Variants in PRRX1 observed in about 807,000 individuals in gnomAD.
The protein encoded by PRRX1 is paired mesoderm homeobox protein 1.
A neutral mutation model predicts 24.0 loss-of-function variants in PRRX1; 8 were observed. That is an observed-to-expected ratio of 0.33 (90% CI 0.20 to 0.60). The LOEUF (loss-of-function observed/expected upper bound fraction) is 0.60, where lower values mean the gene tolerates loss of function less well. PRRX1 is among the 20% of genes least tolerant of loss of function. The pLI, the probability that PRRX1 is intolerant of heterozygous loss-of-function variation, is 0.82. For missense variants in PRRX1, 281 were observed against 322.4 expected, an observed-to-expected ratio of 0.87 and a Z score of 0.98; for synonymous variants, 160 against 131.7, an observed-to-expected ratio of 1.22 and a Z score of -1.47.
rs1022296727 is a variant in PRRX1 at position 170,738,400 on chromosome 1, A to T, written c.*2214A>T. Reference sequence around the variant, plus strand: ...TCATCTTATACATTTTGCTTTCACCAATTGATTCCTTCTTCTTTTAGCCCA... The same window carrying T: ...TCATCTTATACATTTTGCTTTCACCTATTGATTCCTTCTTCTTTTAGCCCA... On this transcript the variant is annotated 3_prime_UTR_variant, in exon 4 of 4. Transcript: ENST00000239461. 6 of 226,692 alleles carry T rather than the reference A, an allele frequency of 2.6e-5. No homozygotes were observed. The highest frequency in any genetic ancestry group is 5.3e-5 in the Non-Finnish European group (6 of 113,994). 14.0% of individuals were successfully genotyped at this position (226,692 alleles called of 1,614,324 possible).
intron 3 of PRRX1, chr1:170,727,822 C>A (rs1655305422): frequency 6.6e-6 from 1 of 152,136 alleles, no homozygotes. Context: ...TTAGTTATAT[C>A]TGTGTGCCCT....
chr1:170,703,625 C>T (rs941383448), intron 1 of PRRX1, among the ~76,000 whole-genome samples: 2 of 151,330 alleles, frequency 1.3e-5, no homozygotes, highest in African/African-American at 2.4e-5. Context: ...TTACTTGAAC[C>T]TCACAACAAC....
chr1:170,720,254 G>C (rs1655040883), intron 2 of PRRX1, among the ~76,000 whole-genome samples: 1 of 151,964 alleles, frequency 6.6e-6, no homozygotes, highest in Admixed American at 6.6e-5. Context: ...CCCCAGCCTG[G>C]GTGACAGAGT....
intron 1 of PRRX1, among the ~76,000 whole-genome samples, chr1:170,692,741 T>A (rs61817381): frequency 0.096 from 13,432 of 139,246 alleles, 708 homozygotes; most frequent in Middle Eastern, 0.15. Flanking sequence ...TCTCTCTCTC[T>A]CACACACACA....
rs553564222 is a variant in PRRX1, at chr1:170,697,451, A to G, written c.242-22275A>G. Among the ~76,000 whole-genome samples, 4 of 152,132 alleles carry G rather than the reference A, an allele frequency of 2.6e-5. No individual in the cohort carries two copies. In the East Asian group the frequency reaches 7.7e-4, roughly 29 times the overall value. ...ATAATAATACATGTAAGACAAGCTT[A>G]TCTTAAAGAATTAGAGAACTATATA... is the stretch of plus-strand genomic sequence containing the variant. On this transcript the variant is annotated intron_variant, in intron 1 of 3. Coordinates refer to ENST00000239461, the MANE Select transcript of PRRX1 (RefSeq NM_022716.4).
At position 170,731,630 on chromosome 1, in the gene PRRX1, A is replaced by AT. The variant is rs143066219; in HGVS notation, c.600-4409dup. Among the ~76,000 whole-genome samples the AT allele has an allele frequency of 4.7e-3, 705 of 151,604 alleles. 6 individuals are homozygous for AT. Among genetic ancestry groups the AT allele is most frequent in the African/African-American group, 0.016 (653 of 41,340 alleles). On this transcript the variant is annotated intron_variant, in intron 3 of 3. Coordinates refer to ENST00000239461, the MANE Select transcript of PRRX1 (RefSeq NM_022716.4). ...CAATGTTTGACAATCATTTTAACAC[A>AT]TTTTTTTTTCCTCACAACTTTCAGG...
chr1:170,670,976 A>T (rs1292069099), intron 1 of PRRX1, among the ~76,000 whole-genome samples: 1 of 152,138 alleles, frequency 6.6e-6, no homozygotes, highest in Non-Finnish European at 1.5e-5. Flanking sequence ...TGTTCCACGT[A>T]ATGAAGAAGC....
intron 2 of PRRX1, chr1:170,722,486 G>C (rs556377606): frequency 1.3e-4 from 20 of 152,284 alleles, no homozygotes; most frequent in Admixed American, 1.3e-4. Flanking sequence ...GTTTGGACTG[G>C]GGTGGAGAAG....
chr1:170,721,025 G>T (rs1046224621), intron 2 of PRRX1, among the ~76,000 whole-genome samples: 3 of 152,156 alleles, frequency 2.0e-5, no homozygotes, highest in Non-Finnish European at 2.9e-5. Context: ...GACACAGAGA[G>T]GTCAAAGTAT....
intron 3 of PRRX1, chr1:170,726,867 G>C (rs1158175948): frequency 6.7e-6 from 1 of 148,220 alleles, no homozygotes; most frequent in East Asian, 1.9e-4. Flanking sequence ...AAAGGAAGAA[G>C]GAAGGAAGGA....
intron 1 of PRRX1, among the ~76,000 whole-genome samples, chr1:170,703,343 C>T (rs1654454196): frequency 6.6e-6 from 1 of 151,684 alleles, no homozygotes; most frequent in Non-Finnish European, 1.5e-5. Flanking sequence ...CTCCCTGAGC[C>T]TTGGTCTCCT....
At chr1:170,726,675 AAAG>A (rs1655268760) in intron 3 of PRRX1, 2 of 418,212 alleles carry the variant, frequency 4.8e-6, no homozygotes, top group Non-Finnish European at 8.6e-6. Context: ...GAAGAATCTA[AAAG>A]AAAAGATCAT....
intron 1 of PRRX1, among the ~76,000 whole-genome samples, chr1:170,693,602 G>A (rs1654065759): frequency 6.6e-6 from 1 of 152,088 alleles, no homozygotes; most frequent in East Asian, 1.9e-4. Context: ...GGAAATGTAT[G>A]TTGTTAGATA....
chr1:170,704,965 C>T (rs753748402), intron 1 of PRRX1, among the ~76,000 whole-genome samples: 21 of 152,182 alleles, frequency 1.4e-4, no homozygotes, highest in Non-Finnish European at 1.9e-4. Context: ...TAAAACTTAC[C>T]TAGTGGCTTT....
At position 170,719,771 on chromosome 1, in the gene PRRX1, G is replaced by T. The variant is rs1172618535; in HGVS notation, c.287G>T (p.Arg96Met). Residue 96 changes from arginine (R) to methionine (M), a missense_variant, in exon 2 of 4, where the codon AGG (arginine) becomes ATG (methionine). Physicochemically the swap from Arg to Met is moderately conservative, Grantham distance 91. Coordinates refer to ENST00000239461, the MANE Select transcript of PRRX1 (RefSeq NM_022716.4). The part of the protein sequence containing the change: ...SEEKKKRKQR[R>M]NRTTFNSSQL... Reference sequence around the variant, plus strand: ...GAAAAAAAGAAGAGAAAGCAGCGAAGGAATAGGACAACCTTCAATAGCAGC... The same window carrying T: ...GAAAAAAAGAAGAGAAAGCAGCGAATGAATAGGACAACCTTCAATAGCAGC... The T allele has an allele frequency of 1.2e-5, 19 of 1,614,214 alleles. No homozygotes were observed. Among genetic ancestry groups the T allele is most frequent in the Non-Finnish European group, 1.4e-5 (17 of 1,180,044 alleles).
At chr1:170,665,242 C>T (rs1051658721) in intron 1 of PRRX1, among the ~76,000 whole-genome samples, 4 of 152,216 alleles carry the variant, frequency 2.6e-5, no homozygotes, top group African/African-American at 9.7e-5. Context: ...AGGCCAGTGT[C>T]ACCTTAGAGG....
At chr1:170,726,559 T>G (rs887537090) in intron 3 of PRRX1, 158 bp downstream of exon 3, 1 of 890,574 alleles carries the variant, frequency 1.1e-6, no homozygotes, top group African/African-American at 1.7e-5. Context: ...CCCAGGAGAT[T>G]ATAAGCTGCC....
intron 1 of PRRX1, chr1:170,668,137 G>A (rs1571310224): frequency 1.3e-5 from 2 of 152,314 alleles, no homozygotes; most frequent in Middle Eastern, 3.4e-3. Flanking sequence ...CAAAGAAATA[G>A]TTCTTTAACA....
intron 1 of PRRX1, among the ~76,000 whole-genome samples, chr1:170,679,590 G>A (rs967489025): frequency 1.3e-4 from 20 of 151,992 alleles, no homozygotes; most frequent in Non-Finnish European, 2.8e-4. Flanking sequence ...CAGTAGAGAC[G>A]GGGCTTCACC....
Sources: gnomAD v4.1 joint callset for allele counts (sites outside exome capture counted in the v4.1 genomes callset) on GRCh38, gnomAD v4.1.1 for gene constraint, MANE v1.5 for transcripts, NCBI Gene and HGNC (gene_info 2026-07-23, HGNC 2026-07-21) for gene names.